The following CSMD3 variants were observed in gnomAD, a reference collection of about 807,000 sequenced individuals.
CSMD3 encodes the protein CUB and Sushi multiple domains 3.
In CSMD3, 177 loss-of-function variants were observed where a neutral mutation model predicts 435.2. That is an observed-to-expected ratio of 0.41 (90% CI 0.36 to 0.46). The LOEUF is 0.46. CSMD3 is among the 20% of genes least tolerant of loss of function. The probability of loss-of-function intolerance (pLI) is 0.34; values close to 1 mark genes in which losing one functional copy is unlikely to be tolerated. For synonymous variants in CSMD3, 1,656 were observed against 1,520.5 expected (o/e 1.09, Z -2.07); for missense variants, 4,265 against 4,504.6 (o/e 0.95, Z 1.52).
intron 3 of CSMD3, among the ~76,000 whole-genome samples, chr8:113,183,815 A>C (rs2092458886): frequency 6.6e-6 from 1 of 151,972 alleles, no homozygotes; most frequent in African/African-American, 2.4e-5. Flanking sequence ...TGTGTGTGTA[A>C]AAGCCAAATC....
chr8:112,466,692 T>C (rs1817987270), intron 32 of CSMD3, among the ~76,000 whole-genome samples: 1 of 152,190 alleles, frequency 6.6e-6, no homozygotes, highest in Non-Finnish European at 1.5e-5. Flanking sequence ...AATTCTCAGA[T>C]TACCATTTAC....
At chr8:112,527,233 A>T (rs1024074190) in intron 27 of CSMD3, among the ~76,000 whole-genome samples, 1 of 151,912 alleles carries the variant, frequency 6.6e-6, no homozygotes, top group Non-Finnish European at 1.5e-5. Context: ...AAATATAAAG[A>T]CACTGATAAC....
Position 112,503,915 on chromosome 8 carries a change from G to A in CSMD3, c.4958C>T (p.Pro1653Leu), listed in dbSNP as rs922932165. 2.5e-6 allele frequency: 4 copies of A among 1,611,566 alleles called. No homozygotes were observed. Among genetic ancestry groups the A allele is most frequent in the African/African-American group, 2.7e-5 (2 of 74,784 alleles). The change falls in exon 30 of 71, where the codon CCA (proline) becomes CTA (leucine). Residue 1653 changes from proline (P) to leucine (L), a missense_variant. Around this residue, in one of 3 missense-constraint regions of CSMD3, gnomAD observed 3,255 missense variants for 3,380.2 expected, o/e 0.96. Coordinates refer to ENST00000297405, the MANE Select transcript of CSMD3 (RefSeq NM_198123.2). ...YIYDGPDSNS[P>L]LIGSFQDSKL... is the part of the protein sequence containing the mutation. ...GCTGTCTTGAAAACTTCCAATCAGT[G>A]GGCTATTACTGTCTGGTCCATCATA...
chr8:113,272,470 CT>C (rs2093536317), intron 3 of CSMD3, among the ~76,000 whole-genome samples: 3 of 151,996 alleles, frequency 2.0e-5, no homozygotes, highest in Admixed American at 6.6e-5. Context: ...GGGGTTTCTG[CT>C]TTTGCAATTT....
chr8:112,838,719 T>C (rs1052362297), intron 11 of CSMD3, among the ~76,000 whole-genome samples: 6 of 151,808 alleles, frequency 4.0e-5, no homozygotes, highest in Admixed American at 3.3e-4. Context: ...ATCATATAAT[T>C]CAGAATAATT....
chr8:112,431,340 T>C (rs1813683296), intron 32 of CSMD3, among the ~76,000 whole-genome samples: 3 of 152,124 alleles, frequency 2.0e-5, no homozygotes. Context: ...AATAGGTGAA[T>C]ATTTTTGTTT....
chr8:113,337,854 C>CA (rs137913099), intron 1 of CSMD3, among the ~76,000 whole-genome samples: 2,659 of 145,992 alleles, frequency 0.018, 34 homozygotes, highest in Non-Finnish European at 0.026. Flanking sequence ...GTTTTTACCA[C>CA]AAAAAAAAAA....
chr8:112,469,823 C>T (rs983165952), intron 32 of CSMD3, among the ~76,000 whole-genome samples: 3 of 151,974 alleles, frequency 2.0e-5, no homozygotes, highest in Non-Finnish European at 4.4e-5. Context: ...AAGTCATGTT[C>T]TAAGAGCATC....
chr8:113,029,577 C>T (rs966040441), intron 5 of CSMD3, among the ~76,000 whole-genome samples: 1 of 151,500 alleles, frequency 6.6e-6, no homozygotes, highest in African/African-American at 2.4e-5. Context: ...ATCCAGCATC[C>T]ATTTATGATT....
chr8:113,062,763 C>G (rs999024611), intron 5 of CSMD3, among the ~76,000 whole-genome samples: 1 of 151,732 alleles, frequency 6.6e-6, no homozygotes, highest in Non-Finnish European at 1.5e-5. Context: ...TGTATTGTCT[C>G]TTTCTAAGCT....
intron 53 of CSMD3, among the ~76,000 whole-genome samples, chr8:112,298,559 AG>A (rs766350528): frequency 8.4e-4 from 128 of 152,234 alleles, no homozygotes; most frequent in Non-Finnish European, 1.6e-3. Flanking sequence ...TCATAGAATA[AG>A]AGAAAATACT....
At chr8:112,894,863 A>C (rs1028540098) in intron 10 of CSMD3, among the ~76,000 whole-genome samples, 3 of 151,336 alleles carry the variant, frequency 2.0e-5, no homozygotes, top group Admixed American at 1.3e-4. Flanking sequence ...AAAAAAACAC[A>C]CACACAAGAT....
At chr8:113,361,487 G>A (rs2094276110) in intron 1 of CSMD3, among the ~76,000 whole-genome samples, 1 of 151,916 alleles carries the variant, frequency 6.6e-6, no homozygotes, top group South Asian at 2.1e-4. Context: ...TTGAATATTT[G>A]TCTTTGCTAT....
rs549982817 is a variant in CSMD3 at position 112,341,087 on chromosome 8, G to T, written c.6652+390C>A. 6.6e-5 allele frequency among the ~76,000 whole-genome samples: 10 copies of T among 152,122 alleles called. No individual in the cohort carries two copies. In the South Asian group the frequency reaches 2.1e-3, roughly 32 times the overall value. On this transcript the variant is annotated intron_variant, in intron 42 of 70. Transcript: ENST00000297405. ...TTAGTCTTATCACTATAAAGTAAAAGAACATTTTACATAATACAACACATG... is the reference window on the plus strand; with the variant it reads ...TTAGTCTTATCACTATAAAGTAAAATAACATTTTACATAATACAACACATG...
chr8:113,233,199 A>C (rs1368194972), intron 3 of CSMD3, among the ~76,000 whole-genome samples: 1 of 151,650 alleles, frequency 6.6e-6, no homozygotes, highest in African/African-American at 2.4e-5. Flanking sequence ...ACTCATATTC[A>C]ATTGAACTTA....
In CSMD3 at chr8:112,573,587, G is replaced by A. The variant is rs1479912277; in HGVS notation, c.3956C>T (p.Thr1319Ile). 1.9e-6 allele frequency: 3 copies of A among 1,613,218 alleles called. No homozygotes were observed. The highest frequency in any genetic ancestry group is 3.3e-5 in the Admixed American group (2 of 59,952). Residue 1319 changes from threonine (T) to isoleucine (I), a missense_variant, in exon 24 of 71, where the codon ACA becomes ATA. By Grantham distance (89) the Thr-to-Ile change is moderately conservative (BLOSUM62 -1). Transcript: ENST00000297405. ...AFTGASMRGLTLSSTSNQLWL... is the reference protein window; with the variant it reads ...AFTGASMRGLILSSTSNQLWL... Reference sequence around the variant, plus strand: ...GAGTTGATTTGAAGTACTACTAAGTGTCAGTCCGCGCATAGATGCACCAGT... The same window carrying A: ...GAGTTGATTTGAAGTACTACTAAGTATCAGTCCGCGCATAGATGCACCAGT...
intron 3 of CSMD3, among the ~76,000 whole-genome samples, chr8:113,216,163 A>G (rs552239612): frequency 6.6e-6 from 1 of 152,036 alleles, no homozygotes; most frequent in African/African-American, 2.4e-5. Context: ...AATCTAAAAA[A>G]AATCCATAAG....
intron 25 of CSMD3, among the ~76,000 whole-genome samples, chr8:112,555,087 C>T (rs527797983): frequency 7.9e-5 from 12 of 151,800 alleles, no homozygotes; most frequent in Non-Finnish European, 1.5e-4. Flanking sequence ...TTTGATCATC[C>T]ATCATTAGAA....
At chr8:112,844,821 A>G (rs1043888941) in intron 11 of CSMD3, among the ~76,000 whole-genome samples, 2 of 151,938 alleles carry the variant, frequency 1.3e-5, no homozygotes, top group African/African-American at 4.8e-5. Context: ...TTCTTTGCCC[A>G]GTCTCTCTTT....
Sources: allele counts gnomAD v4.1 joint callset (sites outside exome capture counted in the v4.1 genomes callset), GRCh38; gene constraint gnomAD v4.1.1; regional missense constraint gnomAD v4.1.1; transcripts MANE v1.5; gene names NCBI Gene and HGNC (gene_info 2026-07-23, HGNC 2026-07-21).